The following LSAMP variants were observed in gnomAD, a reference collection of about 807,000 sequenced individuals.
The protein encoded by LSAMP is limbic system associated membrane protein.
LSAMP carries 7 observed loss-of-function variants against 38.6 expected under a neutral mutation model. The ratio of observed to expected loss-of-function variants is 0.18; its 90% confidence interval spans 0.10 to 0.34. The LOEUF is 0.34. LSAMP is among the 10% of genes least tolerant of loss of function. The probability of loss-of-function intolerance (pLI) is 1.00; values close to 1 mark genes in which losing one functional copy is unlikely to be tolerated. For synonymous variants in LSAMP, 154 were observed against 166.8 expected, an observed-to-expected ratio of 0.92 and a Z score of 0.59; for missense variants, 313 against 420.0, an observed-to-expected ratio of 0.75 and a Z score of 2.23.
chr3:116,182,892 A>G (rs1710520136), intron 1 of LSAMP, among the ~76,000 whole-genome samples: 2 of 151,882 alleles, frequency 1.3e-5, no homozygotes, highest in Admixed American at 6.6e-5. Context: ...AAATTTTGCC[A>G]TCACAATGAC....
intron 1 of LSAMP, among the ~76,000 whole-genome samples, chr3:116,166,940 G>A (rs1177654610): frequency 3.3e-5 from 5 of 151,538 alleles, no homozygotes; most frequent in Non-Finnish European, 4.4e-5. Flanking sequence ...ACAGGCGCCC[G>A]CCACCAGGCC....
chr3:115,914,218 C>T (rs1937197009), intron 3 of LSAMP, among the ~76,000 whole-genome samples: 1 of 152,184 alleles, frequency 6.6e-6, no homozygotes, highest in African/African-American at 2.4e-5. Flanking sequence ...TTTGCTCTGC[C>T]ACCTCCACAA....
intron 1 of LSAMP, among the ~76,000 whole-genome samples, chr3:116,260,986 T>TTAAC (rs934133200): frequency 6.6e-6 from 1 of 152,222 alleles, no homozygotes; most frequent in African/African-American, 2.4e-5. Context: ...TTGTGCACAA[T>TTAAC]TAACTTTTCT....
chr3:116,397,811 C>T (rs867943203), intron 1 of LSAMP, among the ~76,000 whole-genome samples: 6 of 152,076 alleles, frequency 3.9e-5, no homozygotes, highest in Admixed American at 6.5e-5. Flanking sequence ...ATGTGTCCCA[C>T]GTGGCCAGAA....
At chr3:116,378,988 A>G (rs2048524175) in intron 1 of LSAMP, among the ~76,000 whole-genome samples, 8 of 137,044 alleles carry the variant, frequency 5.8e-5, no homozygotes, top group Non-Finnish European at 1.6e-5. Flanking sequence ...AATTGCTCAG[A>G]ACACACACAC....
At chr3:115,960,079 C>T (rs781452006) in intron 3 of LSAMP, among the ~76,000 whole-genome samples, 1 of 152,080 alleles carries the variant, frequency 6.6e-6, no homozygotes, top group Non-Finnish European at 1.5e-5. Context: ...TGAATTGTGT[C>T]CCCTGCACCC....
chr3:116,032,774 G>C (rs1346265990), intron 2 of LSAMP, among the ~76,000 whole-genome samples: 1 of 152,090 alleles, frequency 6.6e-6, no homozygotes, highest in Non-Finnish European at 1.5e-5. Context: ...CTGCACTCCA[G>C]CCTGGGTGAC....
chr3:116,144,458 G>C (rs1190342490), intron 1 of LSAMP, among the ~76,000 whole-genome samples: 1 of 151,980 alleles, frequency 6.6e-6, no homozygotes, highest in East Asian at 1.9e-4. Context: ...AGGAGGATGA[G>C]GCAGCAGTAA....
chr3:115,973,290 A>C (rs1357277637), intron 3 of LSAMP, among the ~76,000 whole-genome samples: 1 of 152,236 alleles, frequency 6.6e-6, no homozygotes, highest in Admixed American at 6.5e-5. Flanking sequence ...TGAGAAGTCC[A>C]TCTAGAAGAA....
At chr3:116,109,495 G>A (rs985853845) in intron 1 of LSAMP, among the ~76,000 whole-genome samples, 2 of 152,154 alleles carry the variant, frequency 1.3e-5, no homozygotes, top group Non-Finnish European at 2.9e-5. Flanking sequence ...TGGGCACAGA[G>A]ACTAGGAAGG....
intron 3 of LSAMP, among the ~76,000 whole-genome samples, chr3:115,978,197 T>C (rs1559905709): frequency 6.6e-6 from 1 of 152,152 alleles, no homozygotes; most frequent in Non-Finnish European, 1.5e-5. Flanking sequence ...ATGGTAGTTA[T>C]TTCCTTCTCA....
intron 1 of LSAMP, among the ~76,000 whole-genome samples, chr3:116,297,603 C>G (rs976832109): frequency 6.6e-6 from 1 of 152,102 alleles, no homozygotes; most frequent in African/African-American, 2.4e-5. Context: ...TATATACCAT[C>G]CTACATTTCA....
intron 3 of LSAMP, among the ~76,000 whole-genome samples, chr3:115,910,295 T>A (rs1937106525): frequency 6.6e-6 from 1 of 152,206 alleles, no homozygotes; most frequent in African/African-American, 2.4e-5. Context: ...GAATTTGGAA[T>A]ATAGTTTGAA....
chr3:115,985,419 C>A (rs532079105), intron 3 of LSAMP, among the ~76,000 whole-genome samples: 6 of 152,250 alleles, frequency 3.9e-5, no homozygotes, highest in African/African-American at 1.4e-4. Context: ...ACATGCTTAA[C>A]CGAGTAAGCA....
chr3:115,829,726 ATAT>A (rs1486193514), intron 6 of LSAMP, among the ~76,000 whole-genome samples: 8 of 152,320 alleles, frequency 5.3e-5, no homozygotes, highest in Non-Finnish European at 7.4e-5. Context: ...CTTAAATGTA[ATAT>A]TATGATATTG....
intron 1 of LSAMP, among the ~76,000 whole-genome samples, chr3:116,236,468 C>A (rs918523822): frequency 6.6e-6 from 1 of 152,062 alleles, no homozygotes; most frequent in Non-Finnish European, 1.5e-5. Flanking sequence ...ATGCTCCATA[C>A]CCCTTCATCT....
intron 2 of LSAMP, among the ~76,000 whole-genome samples, chr3:116,047,917 C>A (rs1346623626): frequency 6.6e-6 from 1 of 152,280 alleles, no homozygotes; most frequent in East Asian, 1.9e-4. Context: ...ACTATCTTTG[C>A]ATTTTTGAAG....
At chr3:116,084,185 A>G (rs894186726) in intron 2 of LSAMP, among the ~76,000 whole-genome samples, 4 of 152,140 alleles carry the variant, frequency 2.6e-5, no homozygotes, top group African/African-American at 9.7e-5. Context: ...TATTATTAGA[A>G]TTAAATGAGA....
At chr3:115,957,216 C>T (rs947225654) in intron 3 of LSAMP, among the ~76,000 whole-genome samples, 3 of 152,208 alleles carry the variant, frequency 2.0e-5, no homozygotes, top group African/African-American at 7.2e-5. Flanking sequence ...TCAAAACTTA[C>T]ATCAGACACT....
Sources: allele counts gnomAD v4.1 joint callset (sites outside exome capture counted in the v4.1 genomes callset), GRCh38; gene constraint gnomAD v4.1.1; transcripts MANE v1.5; gene names NCBI Gene and HGNC (gene_info 2026-07-23, HGNC 2026-07-21).